The following DLC1 variants were observed in gnomAD, a reference collection of about 807,000 sequenced individuals.
DLC1 encodes the protein rho GTPase-activating protein 7.
A neutral mutation model predicts 140.3 loss-of-function variants in DLC1; 54 were observed. That is an observed-to-expected ratio of 0.38 (90% CI 0.31 to 0.48). The LOEUF (loss-of-function observed/expected upper bound fraction) is 0.48. Ranked by LOEUF, DLC1 falls within the 20% of genes least tolerant of loss-of-function variation. The pLI, the probability that DLC1 is intolerant of heterozygous loss-of-function variation, is 0.96. For missense variants in DLC1, 2,536 were observed against 1,907.0 expected (o/e 1.33, Z -6.14); for synonymous variants, 986 against 728.1 (o/e 1.35, Z -5.70).
At chr8:13,565,474 A>C (rs934652334) in intron 1 of DLC1, among the ~76,000 whole-genome samples, 45 of 152,254 alleles carry the variant, frequency 3.0e-4, no homozygotes, top group African/African-American at 7.0e-4. Context: ...TTACTCACAA[A>C]TTACATGCCA....
At chr8:13,295,045 C>A (rs78419035) in intron 5 of DLC1, among the ~76,000 whole-genome samples, 8,147 of 152,092 alleles carry the variant, frequency 0.054, 270 homozygotes, top group South Asian at 0.13. Flanking sequence ...TACCAAGGTG[C>A]GGGGAAGATG....
intron 5 of DLC1, among the ~76,000 whole-genome samples, chr8:13,120,597 C>T (rs1410089297): frequency 6.6e-6 from 1 of 151,338 alleles, no homozygotes; most frequent in African/African-American, 2.4e-5. Flanking sequence ...AAAACATTCC[C>T]CACTGAACAA....
At chr8:13,192,224 T>A (rs1219160410) in intron 5 of DLC1, among the ~76,000 whole-genome samples, 1 of 152,040 alleles carries the variant, frequency 6.6e-6, no homozygotes, top group Non-Finnish European at 1.5e-5. Flanking sequence ...GTGCTGGGAT[T>A]ACAGGTGTGA....
At chr8:13,488,892 GAAGAT>G (rs1270575164) in intron 2 of DLC1, among the ~76,000 whole-genome samples, 7 of 152,282 alleles carry the variant, frequency 4.6e-5, no homozygotes, top group South Asian at 4.1e-4. Flanking sequence ...ATGGGAAAGA[GAAGAT>G]AATAAATATT....
intron 4 of DLC1, among the ~76,000 whole-genome samples, chr8:13,312,128 G>T (rs901252739): frequency 7.7e-6 from 1 of 129,894 alleles, no homozygotes; most frequent in Admixed American, 7.8e-5. Context: ...TTGGGAGGCC[G>T]AGGCGGGCGG....
intron 4 of DLC1, among the ~76,000 whole-genome samples, chr8:13,369,749 C>T (rs1354651740): frequency 1.3e-5 from 2 of 151,994 alleles, no homozygotes; most frequent in African/African-American, 4.8e-5. Flanking sequence ...CACTTGCCTC[C>T]TGCCTGGTCT....
chr8:13,514,509 C>T, intron 1 of DLC1, 93 bp downstream of exon 1: 1 of 398,084 alleles, frequency 2.5e-6, no homozygotes, highest in Middle Eastern at 6.3e-4. Context: ...CCTAGGAAGT[C>T]ACCAACTCCG....
At chr8:13,165,643 C>A (rs1351482748) in intron 5 of DLC1, among the ~76,000 whole-genome samples, 3 of 152,202 alleles carry the variant, frequency 2.0e-5, no homozygotes, top group Non-Finnish European at 2.9e-5. Flanking sequence ...ACAGCTGCTC[C>A]TTCAACTACG....
intron 2 of DLC1, among the ~76,000 whole-genome samples, chr8:13,413,865 G>C (rs1837924171): frequency 6.6e-6 from 1 of 152,092 alleles, no homozygotes; most frequent in African/African-American, 2.4e-5. Context: ...GCAGTCTCAA[G>C]TAGTATCTGT....
At chr8:13,322,227 C>T (rs944797903) in intron 4 of DLC1, among the ~76,000 whole-genome samples, 2 of 151,984 alleles carry the variant, frequency 1.3e-5, no homozygotes, top group Admixed American at 1.3e-4. Context: ...TTGATGAGTA[C>T]CCACTGCTGT....
chr8:13,107,998 T>C (rs1819725901), intron 7 of DLC1, among the ~76,000 whole-genome samples: 2 of 152,054 alleles, frequency 1.3e-5, no homozygotes, highest in Non-Finnish European at 2.9e-5. Context: ...TGAGCCGAGA[T>C]CACGCCACTG....
At chr8:13,525,026 G>A (rs74661619) in intron 1 of DLC1, among the ~76,000 whole-genome samples, 3,961 of 152,144 alleles carry the variant, frequency 0.026, 188 homozygotes, top group East Asian at 0.17. Flanking sequence ...CCAAGGCAAC[G>A]ACTGATCTGC....
intron 1 of DLC1, among the ~76,000 whole-genome samples, chr8:13,508,496 C>G (rs1361383055): frequency 2.0e-5 from 3 of 151,746 alleles, no homozygotes; most frequent in Non-Finnish European, 2.9e-5. Context: ...GGGCTCACTG[C>G]AAGCTCTGCC....
intron 3 of DLC1, among the ~76,000 whole-genome samples, chr8:13,398,175 T>C (rs544344274): frequency 6.6e-6 from 1 of 151,924 alleles, no homozygotes; most frequent in Admixed American, 6.6e-5. Context: ...AAATAAATTA[T>C]AAATCAAGAA....
At chr8:13,221,722 G>C (rs1202284590) in intron 5 of DLC1, among the ~76,000 whole-genome samples, 1 of 131,340 alleles carries the variant, frequency 7.6e-6, no homozygotes, top group African/African-American at 3.0e-5. Flanking sequence ...ATGTGTGTGT[G>C]TGTGTATATA....
chr8:13,127,575 C>T (rs926131043), intron 5 of DLC1, among the ~76,000 whole-genome samples: 4 of 152,206 alleles, frequency 2.6e-5, no homozygotes, highest in African/African-American at 9.6e-5. Context: ...TCAGTTTCAG[C>T]ATCTTCTATT....
chr8:13,519,660 GCTCTCCAAAAC>G (rs1279934496), upstream of DLC1, among the ~76,000 whole-genome samples: 4 of 152,068 alleles, frequency 2.6e-5, no homozygotes, highest in Non-Finnish European at 4.4e-5. Context: ...AATCATATAA[GCTCTCCAAAAC>G]CATTGATTCC....
intron 3 of DLC1, among the ~76,000 whole-genome samples, chr8:13,395,004 TTCTA>T (rs57872249): frequency 0.022 from 2,241 of 100,838 alleles, 54 homozygotes; most frequent in African/African-American, 0.1. Flanking sequence ...CTACTACATA[TTCTA>T]TCTATCTATC....
rs779069462 is a variant in DLC1, at chr8:13,401,483, C to T, written c.1160G>A (p.Arg387Gln). The change falls in exon 3 of 18, where the codon CGG (arginine) becomes CAG (glutamine). Residue 387 changes from arginine (R) to glutamine (Q), a missense_variant. Transcript: ENST00000276297. ...SSPSGTPTNL[R>Q]RHVPDLESGS... ...TGGAAAGCTCACAGGAACGTGCCGCCGCAGGTTTGTTGGTGTGCCTGATGG... is the reference window on the plus strand; with the variant it reads ...TGGAAAGCTCACAGGAACGTGCCGCTGCAGGTTTGTTGGTGTGCCTGATGG... 149 of 1,612,254 alleles carry T rather than the reference C, an allele frequency of 9.2e-5. 1 individual carries two copies. Among genetic ancestry groups the T allele is most frequent in the East Asian group, 3.6e-4 (16 of 44,876 alleles).
Sources: gnomAD v4.1 joint callset for allele counts (sites outside exome capture counted in the v4.1 genomes callset) on GRCh38, gnomAD v4.1.1 for gene constraint, MANE v1.5 for transcripts, NCBI Gene and HGNC (gene_info 2026-07-23, HGNC 2026-07-21) for gene names.